A2M: variants seen among roughly 807,000 people sequenced by gnomAD.
A2M encodes the protein alpha-2-macroglobulin.
In A2M, 128 loss-of-function variants were observed where a neutral mutation model predicts 183.9. The ratio of observed to expected loss-of-function variants is 0.70; its 90% CI spans 0.60 to 0.81. A2M has a LOEUF of 0.81. Among genes scored for constraint, A2M ranks in the 30% least tolerant of loss-of-function variants. The pLI, the probability that A2M is intolerant of heterozygous loss-of-function variation, is 0.00. For synonymous variants in A2M, 592 were observed against 670.8 expected, an observed-to-expected ratio of 0.88 and a Z score of 1.81; for missense variants, 1,495 against 1,787.6, an observed-to-expected ratio of 0.84 and a Z score of 2.95.
rs190837104 is a variant in A2M at position 9,107,842 on chromosome 12, C to A, written c.759-198G>T. On this transcript the variant is annotated intron_variant, in intron 7 of 35. Coordinates refer to ENST00000318602, the MANE Select transcript of A2M (RefSeq NM_000014.6). ...CTCCATTGCAACATGCTGAAATTTACATTCTTCTTTTATCATTTCTTTTTT... is the reference window on the plus strand; with the variant it reads ...CTCCATTGCAACATGCTGAAATTTAAATTCTTCTTTTATCATTTCTTTTTT... 7.2e-5 allele frequency among the ~76,000 whole-genome samples: 11 copies of A among 152,200 alleles called. No individual in the cohort carries two copies. The East Asian group carries it at 2.1e-3, about 29-fold the overall frequency.
At chr12:9,102,950 T>C (rs1937998679) in intron 11 of A2M, among the ~76,000 whole-genome samples, 1 of 152,210 alleles carries the variant, frequency 6.6e-6, no homozygotes, top group Non-Finnish European at 1.5e-5. Flanking sequence ...CGTTTTCCAT[T>C]ACCATGATTA....
chr12:9,086,610 T>C lies in A2M; in HGVS notation c.2770+2590A>G, dbSNP rs1405498629. ...TCAATGCTCTTTTATGATAAAACTCTCACCAAATTAGATATACAAGCAATG... is the reference window on the plus strand; with the variant it reads ...TCAATGCTCTTTTATGATAAAACTCCCACCAAATTAGATATACAAGCAATG... On this transcript the variant is annotated intron_variant, in intron 22 of 35. Coordinates refer to ENST00000318602, the MANE Select transcript of A2M (RefSeq NM_000014.6). Among the ~76,000 whole-genome samples the C allele has an allele frequency of 2.0e-5, 3 of 152,194 alleles. No individual in the cohort carries two copies. In the South Asian group the frequency reaches 6.2e-4, roughly 32 times the overall value.
intron 10 of A2M, among the ~76,000 whole-genome samples, chr12:9,104,808 T>A (rs1280274530): frequency 6.6e-6 from 1 of 152,186 alleles, no homozygotes; most frequent in Non-Finnish European, 1.5e-5. Context: ...AATCTATTAA[T>A]CTATTAACTA....
At chr12:9,114,206 G>A (rs889517834) in intron 1 of A2M, among the ~76,000 whole-genome samples, 1 of 152,140 alleles carries the variant, frequency 6.6e-6, no homozygotes, top group Non-Finnish European at 1.5e-5. Flanking sequence ...TGGTCCTCTG[G>A]TGATTGACTT....
At chr12:9,080,451 T>C (rs892172425) in intron 22 of A2M, 2 of 232,088 alleles carry the variant, frequency 8.6e-6, no homozygotes, top group Non-Finnish European at 1.7e-5. Flanking sequence ...GGTGATGTTG[T>C]GATTCAGTTG....
chr12:9,075,793 T>C (rs921179887), intron 28 of A2M, among the ~76,000 whole-genome samples: 3 of 152,316 alleles, frequency 2.0e-5, no homozygotes, highest in African/African-American at 7.2e-5. Context: ...GGATAATGAT[T>C]GCCTCTGGAG....
intron 23 of A2M, 35 bp downstream of exon 23, chr12:9,080,059 T>A (rs1437995356): frequency 2.9e-6 from 4 of 1,379,574 alleles, no homozygotes; most frequent in Non-Finnish European, 4.0e-6. Flanking sequence ...ATAGAAGCTG[T>A]TAATGCCCGG....
At chr12:9,106,735 T>TA (rs11452860) in intron 8 of A2M, 130 bp from the exon 9 acceptor site, 231,930 of 471,572 alleles carry the variant, frequency 0.49, 62,233 homozygotes, top group African/African-American at 0.76. Flanking sequence ...GAGGACACAA[T>TA]AAATATTCTC....
chr12:9,110,280 T>G, intron 5 of A2M, 34 bp downstream of exon 5: 4 of 1,441,626 alleles, frequency 2.8e-6, no homozygotes, highest in Non-Finnish European at 3.8e-6. Flanking sequence ...ATGTATTGCT[T>G]TCCTTTTAAT....
intron 31 of A2M, 105 bp from the exon 32 acceptor site, chr12:9,070,683 G>T: frequency 1.4e-6 from 1 of 739,766 alleles, no homozygotes. Context: ...GTACACGTAA[G>T]TCTTCCCAAA....
chr12:9,090,308 A>G lies in A2M; in HGVS notation c.2596+48T>C, dbSNP rs201070762. 4.0e-4 allele frequency: 646 copies of G among 1,613,066 alleles called. 2 individuals are homozygous for G. The African/African-American group carries it at 7.7e-3, about 19-fold the overall frequency. ...CACTCAATATAAGGTTCCCACTGCC[A>G]TATACAATCTTTGAGTAGAGAATTA... is the stretch of plus-strand genomic sequence containing the variant. On this transcript the variant is annotated intron_variant, in intron 20 of 35. Coordinates refer to ENST00000318602, the MANE Select transcript of A2M (RefSeq NM_000014.6).
chr12:9,107,706 AT>A, intron 7 of A2M, 62 bp from the exon 8 acceptor site: 1 of 1,586,758 alleles, frequency 6.3e-7, no homozygotes. Flanking sequence ...TTTTCTAGCT[AT>A]TTATATCTCC....
At position 9,072,883 on chromosome 12, in the gene A2M, A is replaced by C. The variant is rs2099732985; in HGVS notation, c.3757-12T>G. ...GCCACCACTGTGTCCTGTTAGAGAC[A>C]GATGAGTGAGAGAACCCATTGGGCA... On this transcript the variant is annotated splice_polypyrimidine_tract_variant and intron_variant, in intron 29 of 35. Transcript: ENST00000318602. 2 of 1,607,552 alleles carry C rather than the reference A, an allele frequency of 1.2e-6. No homozygotes were observed. The highest frequency in any genetic ancestry group is 1.7e-5 in the Admixed American group (1 of 59,586).
At chr12:9,100,050 A>G (rs1937699999) in intron 13 of A2M, among the ~76,000 whole-genome samples, 2 of 152,194 alleles carry the variant, frequency 1.3e-5, no homozygotes, top group Non-Finnish European at 2.9e-5. Flanking sequence ...GAGAGAGTAG[A>G]TTACTGATAC....
At chr12:9,090,879 G>T (rs1403321569) in intron 19 of A2M, among the ~76,000 whole-genome samples, 28 of 152,162 alleles carry the variant, frequency 1.8e-4, no homozygotes, top group Admixed American at 1.8e-3. Flanking sequence ...TTAATATAAT[G>T]AATGAGCTAC....
intron 22 of A2M, among the ~76,000 whole-genome samples, chr12:9,084,025 T>C (rs1948984877): frequency 6.6e-6 from 1 of 152,076 alleles, no homozygotes; most frequent in Non-Finnish European, 1.5e-5. Flanking sequence ...AGTGGAATAA[T>C]ATATTCAAAG....
At position 9,068,175 on chromosome 12, in the gene A2M, T is replaced by G. The variant is rs1948452356; in HGVS notation, c.4408+8A>C. The G allele has an allele frequency of 6.2e-7, 1 of 1,610,202 alleles. No individual in the cohort carries two copies. Among genetic ancestry groups the G allele is most frequent in the Non-Finnish European group, 8.5e-7 (1 of 1,179,084 alleles). On this transcript the variant is annotated splice_region_variant and intron_variant, in intron 35 of 35. Transcript: ENST00000318602. Reference sequence around the variant, plus strand: ...TGACTGCCTTTTGGAGGAGTGTGAGTGGCTTACCTTTGCTGCAAGGAGCAT... The same window carrying G: ...TGACTGCCTTTTGGAGGAGTGTGAGGGGCTTACCTTTGCTGCAAGGAGCAT...
intron 20 of A2M, 78 bp from the exon 21 acceptor site, chr12:9,090,101 C>A: frequency 6.5e-7 from 1 of 1,542,592 alleles, no homozygotes; most frequent in Admixed American, 2.0e-5. Flanking sequence ...TAGAAATGTT[C>A]AATGCTCTGT....
chr12:9,074,430 T>G, intron 29 of A2M, 130 bp downstream of exon 29: 1 of 862,450 alleles, frequency 1.2e-6, no homozygotes, highest in East Asian at 2.7e-5. Context: ...TATCCTTGGA[T>G]ACTGAAAACT....
Sources: allele counts gnomAD v4.1 joint callset (sites outside exome capture counted in the v4.1 genomes callset), GRCh38; gene constraint gnomAD v4.1.1; transcripts MANE v1.5; gene names NCBI Gene and HGNC (gene_info 2026-07-23, HGNC 2026-07-21).